The following ANO2 variants were observed in gnomAD, a reference collection of about 807,000 sequenced individuals.
The protein encoded by ANO2 is anoctamin 2.
A neutral mutation model predicts 124.2 loss-of-function variants in ANO2; 101 were observed. That is an observed-to-expected ratio of 0.81 (90% CI 0.69 to 0.96). ANO2 has a LOEUF of 0.96. Ranked by LOEUF, ANO2 falls within the 40% of genes least tolerant of loss-of-function variation. ANO2 has a pLI of 0.00. For synonymous variants in ANO2, 486 were observed against 482.5 expected, an observed-to-expected ratio of 1.01 and a Z score of -0.09; for missense variants, 1,293 against 1,274.5, an observed-to-expected ratio of 1.01 and a Z score of -0.22.
chr12:5,797,959 T>G (rs924240374), intron 10 of ANO2, among the ~76,000 whole-genome samples: 1 of 152,010 alleles, frequency 6.6e-6, no homozygotes, highest in Non-Finnish European at 1.5e-5. Context: ...CAAAACCGAG[T>G]GCATATTGGA....
At chr12:5,651,096 C>T (rs1241111680) in intron 14 of ANO2, among the ~76,000 whole-genome samples, 1 of 152,244 alleles carries the variant, frequency 6.6e-6, no homozygotes, top group African/African-American at 2.4e-5. Context: ...TAACCAGCTT[C>T]ATGATTATAT....
intron 7 of ANO2, among the ~76,000 whole-genome samples, chr12:5,808,905 C>A (rs1953291719): frequency 1.3e-5 from 2 of 152,128 alleles, no homozygotes; most frequent in African/African-American, 4.8e-5. Context: ...CATTGGATGG[C>A]ACAAAGACTA....
intron 23 of ANO2, among the ~76,000 whole-genome samples, chr12:5,567,117 G>A (rs570527915): frequency 5.9e-5 from 9 of 152,298 alleles, no homozygotes; most frequent in South Asian, 2.1e-4. Context: ...CTGGGGACTC[G>A]ACTAGGGCTT....
intron 16 of ANO2, among the ~76,000 whole-genome samples, chr12:5,626,494 T>C (rs1253998434): frequency 2.6e-5 from 4 of 151,842 alleles, no homozygotes; most frequent in African/African-American, 9.7e-5. Flanking sequence ...ATCAGAGGGG[T>C]GGGGCTAGTG....
At chr12:5,877,317 A>G (rs11063897) in intron 3 of ANO2, among the ~76,000 whole-genome samples, 73,626 of 151,976 alleles carry the variant, frequency 0.48, 18,073 homozygotes, top group South Asian at 0.59. Flanking sequence ...GGAGACGGCC[A>G]TGTGACGATT....
intron 3 of ANO2, among the ~76,000 whole-genome samples, chr12:5,894,593 A>G (rs1672831710): frequency 6.6e-6 from 1 of 152,148 alleles, no homozygotes; most frequent in Non-Finnish European, 1.5e-5. Flanking sequence ...GGTATTGCCT[A>G]GGTTTTCTTC....
chr12:5,841,038 A>G (rs542980660), intron 4 of ANO2, among the ~76,000 whole-genome samples: 2 of 152,262 alleles, frequency 1.3e-5, no homozygotes, highest in East Asian at 3.9e-4. Context: ...GGAGCAAGAG[A>G]AGCCAAAAAT....
chr12:5,678,074 C>T (rs1380372809), intron 14 of ANO2, among the ~76,000 whole-genome samples: 2 of 152,144 alleles, frequency 1.3e-5, no homozygotes, highest in African/African-American at 2.4e-5. Context: ...CCATCAAACC[C>T]CTCAGGTCTG....
chr12:5,641,044 A>G (rs529244736), intron 15 of ANO2, among the ~76,000 whole-genome samples: 1 of 152,382 alleles, frequency 6.6e-6, no homozygotes, highest in South Asian at 2.1e-4. Flanking sequence ...CTATGCAGCC[A>G]TAAAAATGGA....
intron 14 of ANO2, among the ~76,000 whole-genome samples, chr12:5,728,724 C>A (rs1433538138): frequency 6.6e-6 from 1 of 152,094 alleles, no homozygotes; most frequent in African/African-American, 2.4e-5. Context: ...AGGACTCATA[C>A]CCCCAATTTC....
intron 16 of ANO2, among the ~76,000 whole-genome samples, chr12:5,618,875 G>A (rs1213138164): frequency 6.6e-6 from 1 of 152,222 alleles, no homozygotes; most frequent in Non-Finnish European, 1.5e-5. Context: ...CAGCAGCAGA[G>A]TATCATCTCC....
chr12:5,599,655 A>G, intron 19 of ANO2, 26 bp from the exon 20 acceptor site: 2 of 1,611,776 alleles, frequency 1.2e-6, no homozygotes, highest in Non-Finnish European at 1.7e-6. Flanking sequence ...ATTAAGTTAC[A>G]AAAAGCCTCT....
chr12:5,881,103 G>A (rs987853828), intron 3 of ANO2, among the ~76,000 whole-genome samples: 5 of 152,250 alleles, frequency 3.3e-5, no homozygotes, highest in East Asian at 1.9e-4. Context: ...AGTATTCTAC[G>A]TATGTCTACA....
chr12:5,882,823 T>G (rs770786898), intron 3 of ANO2, among the ~76,000 whole-genome samples: 1 of 151,982 alleles, frequency 6.6e-6, no homozygotes, highest in Non-Finnish European at 1.5e-5. Flanking sequence ...TTGATCAAAC[T>G]GGGGCCAGAG....
intron 17 of ANO2, among the ~76,000 whole-genome samples, chr12:5,614,556 C>T (rs1168236246): frequency 6.6e-6 from 1 of 152,220 alleles, no homozygotes; most frequent in African/African-American, 2.4e-5. Context: ...TGATTAAGAA[C>T]CTCCTAAACC....
chr12:5,575,703 C>T, intron 23 of ANO2, 131 bp downstream of exon 23: 1 of 1,009,718 alleles, frequency 9.9e-7, no homozygotes, highest in Non-Finnish European at 1.4e-6. Context: ...GGGACAATCG[C>T]CATATATGTG....
chr12:5,647,042 C>T (rs1201139135), intron 15 of ANO2, among the ~76,000 whole-genome samples: 1 of 152,174 alleles, frequency 6.6e-6, no homozygotes, highest in African/African-American at 2.4e-5. Flanking sequence ...AAAGCAGAAC[C>T]TCCAATCTTG....
chr12:5,628,685 T>TGC (rs1235726060), intron 16 of ANO2, among the ~76,000 whole-genome samples: 45 of 148,482 alleles, frequency 3.0e-4, no homozygotes, highest in Middle Eastern at 3.4e-3. Flanking sequence ...TGTGTGTGTG[T>TGC]GTGCGCGCGC....
At chr12:5,896,070 G>A (rs1939763042) in intron 3 of ANO2, among the ~76,000 whole-genome samples, 2 of 152,050 alleles carry the variant, frequency 1.3e-5, no homozygotes, top group Admixed American at 1.3e-4. Flanking sequence ...CTTATAAGTG[G>A]GAGCTAAGCT....
Sources: allele counts gnomAD v4.1 joint callset (sites outside exome capture counted in the v4.1 genomes callset), GRCh38; gene constraint gnomAD v4.1.1; transcripts MANE v1.5; gene names NCBI Gene and HGNC (gene_info 2026-07-23, HGNC 2026-07-21).